The following CERS4 variants were observed in gnomAD, a reference collection of about 807,000 sequenced individuals.
The protein encoded by CERS4 is LAG1 homolog, ceramide synthase 4.
Under a neutral mutation model 51.8 loss-of-function variants are expected in CERS4, and 65 were observed. The observed-to-expected ratio is 1.26, with a 90% CI of 1.03 to 1.54. The LOEUF (loss-of-function observed/expected upper bound fraction) is 1.54, where lower values mean the gene tolerates loss of function less well. CERS4 is among the 40% of genes most tolerant of loss of function. The pLI, the probability that CERS4 is intolerant of heterozygous loss-of-function variation, is 0.00. For missense variants in CERS4, 563 were observed against 500.4 expected (o/e 1.13, Z -1.19); for synonymous variants, 228 against 208.4 (o/e 1.09, Z -0.81).
chr19:8,233,654 A>G (rs1171487906), intron 2 of CERS4, among the ~76,000 whole-genome samples: 1 of 151,896 alleles, frequency 6.6e-6, no homozygotes, highest in Non-Finnish European at 1.5e-5. Flanking sequence ...AATCCTCCCA[A>G]GCCATTGAAC....
At position 8,255,719 on chromosome 19, in the gene CERS4, A is replaced by C; in HGVS notation, c.404A>C (p.Glu135Ala). ...DRPQLTKKFC[E>A]ASWRFLFYLS... ...CCCCAGCTGACCAAGAAGTTCTGTG[A>C]GGCCAGGTAAGCCCAGGATGGGGCT... The change falls in exon 5 of 12, where the codon GAG becomes GCG. Residue 135 changes from glutamate to alanine, a missense_variant. Physicochemically the swap from Glu to Ala is moderately radical, Grantham distance 107. Transcript: ENST00000251363. 1 of 1,571,628 alleles carries C rather than the reference A, an allele frequency of 6.4e-7. No homozygotes were observed. Among genetic ancestry groups the C allele is most frequent in the South Asian group, 1.1e-5 (1 of 90,002 alleles).
At chr19:8,252,514 C>T (rs1969141897) in intron 3 of CERS4, among the ~76,000 whole-genome samples, 2 of 151,200 alleles carry the variant, frequency 1.3e-5, no homozygotes, top group Non-Finnish European at 2.9e-5. Context: ...TCTCAGTTCA[C>T]TACAACCTCT....
intron 2 of CERS4, among the ~76,000 whole-genome samples, chr19:8,217,161 G>T (rs1231710457): frequency 6.6e-6 from 1 of 151,994 alleles, no homozygotes; most frequent in African/African-American, 2.4e-5. Flanking sequence ...TTTATTTTGG[G>T]CAGTCAGGAC....
chr19:8,224,266 G>GCAC (rs1967689917), intron 2 of CERS4, among the ~76,000 whole-genome samples: 4 of 151,896 alleles, frequency 2.6e-5, no homozygotes, highest in Non-Finnish European at 1.5e-5. Flanking sequence ...AATTAGCCGG[G>GCAC]TGTGGTGGCA....
chr19:8,256,819 G>A (rs974749157), intron 8 of CERS4, 109 bp downstream of exon 8: 30 of 1,574,604 alleles, frequency 1.9e-5, no homozygotes, highest in Admixed American at 3.6e-5. Context: ...GGTGCCTCCT[G>A]CAGGAGATAT....
At chr19:8,213,959 G>A (rs1004105974) in intron 2 of CERS4, among the ~76,000 whole-genome samples, 3 of 152,066 alleles carry the variant, frequency 2.0e-5, no homozygotes, top group African/African-American at 7.2e-5. Context: ...GGGTGACAGA[G>A]CAAGACACTG....
Position 8,261,764 on chromosome 19 carries a change from C to T in CERS4, c.925C>T (p.Leu309=). ...CGGCTACTACTTCTTCAACGGGCTT[C>T]TGATGTTGCTGCAGCTGCTGCACGT... is the stretch of plus-strand genomic sequence containing the variant. ...FFGYYFFNGL[L]MLLQLLHVFW... is the part of the protein sequence containing the mutation. The change falls in exon 11 of 12, where the codon CTG becomes TTG. Residue 309 remains leucine (L), a synonymous_variant. Coordinates refer to ENST00000251363, the MANE Select transcript of CERS4 (RefSeq NM_024552.3). The T allele has an allele frequency of 1.2e-6, 2 of 1,614,184 alleles. No homozygotes were observed. Among genetic ancestry groups the T allele is most frequent in the Non-Finnish European group, 1.7e-6 (2 of 1,180,024 alleles).
chr19:8,232,372 C>T (rs1017615373), intron 2 of CERS4, among the ~76,000 whole-genome samples: 1 of 151,986 alleles, frequency 6.6e-6, no homozygotes, highest in Admixed American at 6.6e-5. Context: ...CTCGCTGCAA[C>T]CTCTGCCTTC....
chr19:8,261,636 G>A (rs913075964), intron 10 of CERS4, 52 bp from the exon 11 acceptor site: 3 of 1,606,410 alleles, frequency 1.9e-6, no homozygotes, highest in African/African-American at 1.3e-5. Flanking sequence ...TTAGGACTGG[G>A]GGCTACAGCG....
Position 8,248,645 on chromosome 19 carries a change from T to TGGAG in CERS4, c.-1-2428_-1-2427insGGGA, listed in dbSNP as rs1968898656. 2.0e-5 allele frequency among the ~76,000 whole-genome samples: 3 copies of TGGAG among 146,784 alleles called. No individual in the cohort carries two copies. In the South Asian group the frequency reaches 6.6e-4, roughly 32 times the overall value. On this transcript the variant is annotated intron_variant, in intron 2 of 11. Transcript: ENST00000251363. The stretch of plus-strand genomic sequence containing the variant: ...GCAGGTGGACAGATGTTTGGATGAG[T>TGGAG]GGATGGATGATGGGTGGGTGGACAG...
At chr19:8,234,045 G>A (rs1269112874) in intron 2 of CERS4, among the ~76,000 whole-genome samples, 3 of 151,904 alleles carry the variant, frequency 2.0e-5, no homozygotes, top group South Asian at 2.1e-4. Context: ...GGTGGCTCAC[G>A]CCTGTAATCC....
chr19:8,234,122 C>T (rs1015003515), intron 2 of CERS4, among the ~76,000 whole-genome samples: 2 of 151,348 alleles, frequency 1.3e-5, no homozygotes, highest in Admixed American at 6.6e-5. Context: ...CTGGCTAACA[C>T]GGTGAAACCC....
intron 2 of CERS4, among the ~76,000 whole-genome samples, chr19:8,231,720 C>T (rs986884587): frequency 2.6e-5 from 4 of 151,444 alleles, no homozygotes; most frequent in Non-Finnish European, 5.9e-5. Context: ...GGCTAATTTT[C>T]TTTTTGTATT....
chr19:8,214,951 AGGGAGGAGG>A (rs925573308), intron 2 of CERS4, among the ~76,000 whole-genome samples: 3 of 80,586 alleles, frequency 3.7e-5, no homozygotes, highest in African/African-American at 1.4e-4. Context: ...GGGGGAGGAG[AGGGAGGAGG>A]GGGAGGAGGA....
chr19:8,262,221 C>G lies in CERS4; in HGVS notation c.*112C>G, dbSNP rs972501046. Reference sequence around the variant, plus strand: ...TTTCTGGAGACAGGGAGGGCCCCACCCGGGGTGGGTGGGAAGGCTGATGAT... The same window carrying G: ...TTTCTGGAGACAGGGAGGGCCCCACGCGGGGTGGGTGGGAAGGCTGATGAT... On this transcript the variant is annotated 3_prime_UTR_variant, in exon 12 of 12. Coordinates refer to ENST00000251363, the MANE Select transcript of CERS4 (RefSeq NM_024552.3). 8.2e-6 allele frequency: 10 copies of G among 1,213,810 alleles called. No homozygotes were observed. The Middle Eastern group carries it at 8.8e-4, about 107-fold the overall frequency. The allele number at this position is 1,213,810 out of a possible 1,614,324, so 75.2% of individuals were successfully genotyped here. A position where few individuals can be genotyped will look rare whatever the true frequency, so the allele number is the denominator to read the frequency against.
chr19:8,252,268 G>A (rs1568531301), intron 3 of CERS4, among the ~76,000 whole-genome samples: 2 of 151,804 alleles, frequency 1.3e-5, no homozygotes, highest in South Asian at 4.2e-4. Flanking sequence ...TACTCAGGAG[G>A]TTGAGGCAGG....
chr19:8,253,709 A>C (rs955067208), intron 3 of CERS4, among the ~76,000 whole-genome samples: 1 of 151,010 alleles, frequency 6.6e-6, no homozygotes, highest in Non-Finnish European at 1.5e-5. Flanking sequence ...ACCTGCCTCA[A>C]CCTCCCGAGT....
In CERS4 at chr19:8,255,842, T is replaced by C. The variant is rs771476996; in HGVS notation, c.431T>C (p.Leu144Pro). The C allele has an allele frequency of 9.9e-6, 16 of 1,613,872 alleles. No homozygotes were observed. Among genetic ancestry groups the C allele is most frequent in the Middle Eastern group, 1.6e-4 (1 of 6,084 alleles). The change falls in exon 6 of 12, where the codon CTG (leucine) becomes CCG (proline). Residue 144 changes from leucine (L) to proline (P), a missense_variant. Leu to Pro is a moderately conservative substitution (Grantham distance 98). Coordinates refer to ENST00000251363, the MANE Select transcript of CERS4 (RefSeq NM_024552.3). ...CEASWRFLFY[L>P]SSFVGGLSVL... ...CACAGCTGGAGGTTTCTCTTCTACC[T>C]GTCCTCCTTCGTGGGCGGCCTCTCG...
intron 2 of CERS4, among the ~76,000 whole-genome samples, chr19:8,230,795 T>C (rs963427955): frequency 2.6e-5 from 4 of 152,192 alleles, no homozygotes; most frequent in African/African-American, 9.6e-5. Context: ...AATTTCAGAT[T>C]GTGTATATTT....
Sources: allele counts gnomAD v4.1 joint callset (sites outside exome capture counted in the v4.1 genomes callset), GRCh38; gene constraint gnomAD v4.1.1; transcripts MANE v1.5; gene names NCBI Gene and HGNC (gene_info 2026-07-23, HGNC 2026-07-21).